NAA16: variants seen among roughly 807,000 people sequenced by gnomAD.
NAA16 encodes the protein NARG1-like protein.
A neutral mutation model predicts 110.3 loss-of-function variants in NAA16; 97 were observed. The ratio of observed to expected loss-of-function variants is 0.88; its 90% CI spans 0.75 to 1.04. The LOEUF is 1.04. Among genes scored for constraint, NAA16 ranks in the 50% least tolerant of loss-of-function variants. NAA16 has a pLI of 0.00. For missense variants in NAA16, 1,017 were observed against 1,005.1 expected (o/e 1.01, Z -0.16); for synonymous variants, 372 against 330.6 (o/e 1.13, Z -1.36).
At chr13:41,358,644 G>A in intron 11 of NAA16, 166 bp from the exon 12 acceptor site, 1 of 1,434,520 alleles carries the variant, frequency 7.0e-7, no homozygotes, top group Non-Finnish European at 9.2e-7. Flanking sequence ...AATTAGATGT[G>A]TAATCATTTG....
intron 9 of NAA16, among the ~76,000 whole-genome samples, chr13:41,339,129 G>GTTGTTGTTTGT (rs1555284358): frequency 6.6e-6 from 1 of 151,596 alleles, no homozygotes; most frequent in South Asian, 2.1e-4. Context: ...TTTTGTTGTT[G>GTTGTTGTTTGT]TTGTTTGTTT....
At chr13:41,340,607 A>G (rs2042510925) in intron 9 of NAA16, among the ~76,000 whole-genome samples, 2 of 142,580 alleles carry the variant, frequency 1.4e-5, no homozygotes, top group African/African-American at 5.2e-5. Flanking sequence ...ATTCAGGAGC[A>G]GGTTGTTCAG....
At chr13:41,344,705 C>T (rs2042637273) in intron 9 of NAA16, among the ~76,000 whole-genome samples, 1 of 152,154 alleles carries the variant, frequency 6.6e-6, no homozygotes, top group Admixed American at 6.5e-5. Context: ...ATGTCAGTAG[C>T]TTCCCCACCT....
At chr13:41,343,490 G>C (rs2042606048) in intron 9 of NAA16, among the ~76,000 whole-genome samples, 1 of 151,934 alleles carries the variant, frequency 6.6e-6, no homozygotes, top group Non-Finnish European at 1.5e-5. Context: ...CATAAATTTT[G>C]TTCTTTGTTT....
intron 9 of NAA16, among the ~76,000 whole-genome samples, chr13:41,347,802 A>G (rs966733981): frequency 6.6e-6 from 1 of 152,094 alleles, no homozygotes; most frequent in Non-Finnish European, 1.5e-5. Flanking sequence ...AGATCGTTTT[A>G]CTTCTTTCTT....
chr13:41,335,668 G>C (rs2042360715), intron 8 of NAA16, among the ~76,000 whole-genome samples: 1 of 152,130 alleles, frequency 6.6e-6, no homozygotes, highest in Non-Finnish European at 1.5e-5. Flanking sequence ...ATAGTTAATG[G>C]AGTTAAATTT....
intron 10 of NAA16, among the ~76,000 whole-genome samples, chr13:41,357,971 T>A (rs751974096): frequency 1.1e-4 from 16 of 152,182 alleles, no homozygotes; most frequent in Non-Finnish European, 2.1e-4. Context: ...TTTGCCAAGT[T>A]TTTTTCCTTG....
chr13:41,359,729 T>C (rs184953982), intron 12 of NAA16, among the ~76,000 whole-genome samples: 9 of 151,604 alleles, frequency 5.9e-5, no homozygotes, highest in Non-Finnish European at 1.3e-4. Context: ...CTTTCACACT[T>C]ATACAAGAAA....
In NAA16 at chr13:41,320,732, C is replaced by T. The variant is rs760244783; in HGVS notation, c.310C>T (p.Arg104Ter). The T allele has an allele frequency of 6.8e-6, 11 of 1,612,980 alleles. No homozygotes were observed. Among genetic ancestry groups the T allele is most frequent in the African/African-American group, 2.7e-5 (2 of 74,888 alleles). The change falls in exon 4 of 20, where the codon CGA (arginine) becomes TGA (stop). Residue 104 changes from arginine to a stop codon, truncating the protein, a stop_gained. Transcript: ENST00000379406. LOFTEE classifies it high-confidence loss of function. ...KKYDEAIKCY[R>*]NALKLDKDNL... ...ATATGATGAAGCTATAAAATGTTACCGAAATGCCCTCAAATTAGATAAAGA... is the reference window on the plus strand; with the variant it reads ...ATATGATGAAGCTATAAAATGTTACTGAAATGCCCTCAAATTAGATAAAGA...
chr13:41,347,766 T>C (rs2042724465), intron 9 of NAA16, among the ~76,000 whole-genome samples: 1 of 152,238 alleles, frequency 6.6e-6, no homozygotes, highest in Admixed American at 6.5e-5. Context: ...GGATTTTCTA[T>C]GTGCAACATC....
chr13:41,368,680 A>G (rs2043254943), intron 14 of NAA16, among the ~76,000 whole-genome samples: 1 of 152,182 alleles, frequency 6.6e-6, no homozygotes, highest in Non-Finnish European at 1.5e-5. Context: ...TTTAAATTGC[A>G]TCTGTACTGA....
In NAA16 at chr13:41,358,439, T is replaced by A; in HGVS notation, c.1223T>A (p.Ile408Lys). ...GCAATTGCTAGTACTCCAACTCTAA[T>A]AGAATTATTCTATATGAAAGCAAAA... Reference protein sequence around the residue: ...NAAIASTPTLIELFYMKAKIY... With the variant: ...NAAIASTPTLKELFYMKAKIY... Residue 408 changes from isoleucine (I) to lysine (K), a missense_variant, in exon 11 of 20, where the codon ATA (isoleucine) becomes AAA (lysine). Physicochemically the swap from Ile to Lys is moderately radical, Grantham distance 102. Transcript: ENST00000379406. 6.2e-7 allele frequency: 1 copy of A among 1,613,468 alleles called. No individual in the cohort carries two copies. The highest frequency in any genetic ancestry group is 8.5e-7 in the Non-Finnish European group (1 of 1,179,422).
intron 5 of NAA16, 111 bp downstream of exon 5, chr13:41,323,301 A>G (rs2041994807): frequency 1.8e-6 from 2 of 1,087,720 alleles, no homozygotes; most frequent in Non-Finnish European, 2.7e-6. Flanking sequence ...AAAACGGGAA[A>G]ACTTTTTGAC....
intron 7 of NAA16, among the ~76,000 whole-genome samples, chr13:41,329,936 G>C (rs2042190850): frequency 6.6e-6 from 1 of 151,854 alleles, no homozygotes; most frequent in Non-Finnish European, 1.5e-5. Flanking sequence ...GGTAACTTAT[G>C]ACCTTTCCTT....
At position 41,372,730 on chromosome 13, in the gene NAA16, A is replaced by C. The variant is rs771438194; in HGVS notation, c.2057-2A>C. The C allele has an allele frequency of 1.9e-6, 3 of 1,588,236 alleles. No homozygotes were observed. The highest frequency in any genetic ancestry group is 2.6e-6 in the Non-Finnish European group (3 of 1,165,460). ...ATTACTTTTGTATTTTTTCTGACAC[A>C]GGAAAGTTTCTGTTAATGCTGCAGT... On this transcript the variant is annotated splice_acceptor_variant, in intron 16 of 19. Transcript: ENST00000379406. LOFTEE classifies it high-confidence loss of function.
At chr13:41,341,819 A>G (rs1319885957) in intron 9 of NAA16, among the ~76,000 whole-genome samples, 2 of 144,116 alleles carry the variant, frequency 1.4e-5, no homozygotes, top group Non-Finnish European at 3.0e-5. Context: ...TCTTTCACAT[A>G]TTATATCAGA....
chr13:41,373,823 C>G (rs762880217), intron 18 of NAA16, 43 bp downstream of exon 18: 2 of 1,538,728 alleles, frequency 1.3e-6, no homozygotes, highest in East Asian at 4.6e-5. Flanking sequence ...ATGGAAAAAG[C>G]GAACAAAGAG....
At chr13:41,353,536 G>A (rs1246255474) in intron 9 of NAA16, among the ~76,000 whole-genome samples, 1 of 151,846 alleles carries the variant, frequency 6.6e-6, no homozygotes, top group African/African-American at 2.4e-5. Context: ...AGGTGGAGGC[G>A]GGAGGATTGC....
chr13:41,324,130 T>C (rs1356601632), intron 5 of NAA16, among the ~76,000 whole-genome samples: 6 of 152,146 alleles, frequency 3.9e-5, no homozygotes, highest in Non-Finnish European at 8.8e-5. Flanking sequence ...TTTTACTCTC[T>C]TAAGGGAGGA....
Sources: allele counts gnomAD v4.1 joint callset (sites outside exome capture counted in the v4.1 genomes callset), GRCh38; gene constraint gnomAD v4.1.1; transcripts MANE v1.5; gene names NCBI Gene and HGNC (gene_info 2026-07-23, HGNC 2026-07-21).